Variants in CD274 observed in about 807,000 individuals in gnomAD.
The protein encoded by CD274 is programmed cell death 1 ligand 1.
A neutral mutation model predicts 30.1 loss-of-function variants in CD274; 8 were observed. The ratio of observed to expected loss-of-function variants is 0.27; its 90% CI spans 0.16 to 0.48. CD274 has a LOEUF of 0.48. Among genes scored for constraint, CD274 ranks in the 20% least tolerant of loss-of-function variants. The probability of loss-of-function intolerance (pLI) is 0.99; values close to 1 mark genes in which losing one functional copy is unlikely to be tolerated. For synonymous variants in CD274, 152 were observed against 124.6 expected (o/e 1.22, Z -1.46); for missense variants, 353 against 346.6 (o/e 1.02, Z -0.15).
chr9:5,466,765 T>A lies in CD274; in HGVS notation c.791-5T>A. On this transcript the variant is annotated splice_region_variant and splice_polypyrimidine_tract_variant and intron_variant, in intron 5 of 6. Coordinates refer to ENST00000381577, the MANE Select transcript of CD274 (RefSeq NM_014143.4). ...TGGAAATAAAAATGATTTCTTTTTC[T>A]CAAGGGAGAATGATGGATGTGAAAA... The A allele has an allele frequency of 6.2e-7, 1 of 1,608,624 alleles. No individual in the cohort carries two copies.
In CD274 at chr9:5,459,450, G is replaced by A. The variant is rs569241361; in HGVS notation, c.394+2030G>A. On this transcript the variant is annotated intron_variant, in intron 3 of 6. Coordinates refer to ENST00000381577, the MANE Select transcript of CD274 (RefSeq NM_014143.4). ...GCTTGCAGGAGCTTCCCAACTCAGG[G>A]AAGTAGAACTCCTGAGTCACCTCCA... Among the ~76,000 whole-genome samples the A allele has an allele frequency of 1.6e-4, 24 of 152,270 alleles. 1 individual carries two copies. The highest frequency in any genetic ancestry group is 1.2e-3 in the South Asian group (6 of 4,826).
chr9:5,458,356 C>T (rs1480074131), intron 3 of CD274, among the ~76,000 whole-genome samples: 1 of 152,248 alleles, frequency 6.6e-6, no homozygotes, highest in African/African-American at 2.4e-5. Flanking sequence ...TCATATCCCA[C>T]AATGGCCTCC....
At chr9:5,461,156 A>G (rs922706109) in intron 3 of CD274, among the ~76,000 whole-genome samples, 2 of 152,152 alleles carry the variant, frequency 1.3e-5, no homozygotes, top group African/African-American at 4.8e-5. Context: ...GTGTTTTTTT[A>G]TATAACACTG....
chr9:5,456,294 T>C (rs929607898), intron 2 of CD274, 129 bp downstream of exon 2: 8 of 608,646 alleles, frequency 1.3e-5, no homozygotes, highest in Non-Finnish European at 2.0e-5. Flanking sequence ...TTCTTCTACT[T>C]TACACAATGG....
At chr9:5,460,682 G>T (rs545931467) in intron 3 of CD274, among the ~76,000 whole-genome samples, 1 of 152,084 alleles carries the variant, frequency 6.6e-6, no homozygotes, top group Non-Finnish European at 1.5e-5. Flanking sequence ...GCCTATATTT[G>T]TACCTCTGGT....
At chr9:5,456,576 A>C (rs918209046) in intron 2 of CD274, among the ~76,000 whole-genome samples, 3 of 152,222 alleles carry the variant, frequency 2.0e-5, no homozygotes, top group Non-Finnish European at 4.4e-5. Flanking sequence ...AGATACATGG[A>C]AAATGTCAGG....
rs1040809685 is a variant in CD274, at chr9:5,465,428, C to T, written c.683-71C>T. ...AGCTAAACTAAACTTCAAGGATGAC[C>T]ATTCTCCTGACCCCTTCCCATCAAA... On this transcript the variant is annotated intron_variant, in intron 4 of 6. Coordinates refer to ENST00000381577, the MANE Select transcript of CD274 (RefSeq NM_014143.4). 5.9e-6 allele frequency: 5 copies of T among 849,878 alleles called. No individual in the cohort carries two copies. In the African/African-American group the frequency reaches 8.4e-5, roughly 14 times the overall value. The allele number at this position is 849,878 out of a possible 1,614,324, so 52.6% of individuals were successfully genotyped here.
In CD274 at chr9:5,457,368, C is replaced by T; in HGVS notation, c.342C>T (p.Cys114=). 1.9e-6 allele frequency: 3 copies of T among 1,614,094 alleles called. No homozygotes were observed. The highest frequency in any genetic ancestry group is 2.5e-6 in the Non-Finnish European group (3 of 1,179,998). ...TGCAGGATGCAGGGGTGTACCGCTG[C>T]ATGATCAGCTATGGTGGTGCCGACT... ...VKLQDAGVYR[C]MISYGGADYK... The change falls in exon 3 of 7, where the codon TGC becomes TGT. Residue 114 remains cysteine (C), a synonymous_variant. Transcript: ENST00000381577.
intron 2 of CD274, among the ~76,000 whole-genome samples, chr9:5,456,775 G>C (rs1329945): frequency 1.6e-4 from 24 of 152,314 alleles, no homozygotes; most frequent in African/African-American, 5.8e-4. Context: ...ATGAAACCAA[G>C]TCTCCCTGGT....
intron 1 of CD274, among the ~76,000 whole-genome samples, chr9:5,452,472 A>G (rs1819224643): frequency 6.6e-6 from 1 of 152,180 alleles, no homozygotes. Context: ...TTTACATTTC[A>G]TTGCTCTTTA....
In CD274 at chr9:5,466,153, T is replaced by C. The variant is rs552867285; in HGVS notation, c.790+547T>C. Among the ~76,000 whole-genome samples, 7 of 152,284 alleles carry C rather than the reference T, an allele frequency of 4.6e-5. No individual in the cohort carries two copies. In the East Asian group the frequency reaches 7.7e-4, roughly 17 times the overall value. ...AAGATGAGTCAGAGTAAATAATTCC[T>C]CCAATACTTAGAGAAGTATACCAAG... On this transcript the variant is annotated intron_variant, in intron 5 of 6. Transcript: ENST00000381577.
intron 3 of CD274, among the ~76,000 whole-genome samples, chr9:5,459,011 T>A (rs1819356297): frequency 6.6e-6 from 1 of 152,190 alleles, no homozygotes; most frequent in Non-Finnish European, 1.5e-5. Flanking sequence ...AAAAGGTCTC[T>A]CATCAGCCTG....
rs149987039 is a variant in CD274 at position 5,457,033 on chromosome 9, T to C, written c.53-46T>C. On this transcript the variant is annotated intron_variant, in intron 2 of 6. Transcript: ENST00000381577. ...ACGCTGTGCCAATTTTGTAAATGTT[T>C]CGAGGAATTTTCCCTTTTCTGAAGA... 239 of 1,357,966 alleles carry C rather than the reference T, an allele frequency of 1.8e-4. 1 individual carries two copies. In the East Asian group the frequency reaches 5.5e-3, roughly 31 times the overall value. 84.1% of individuals were successfully genotyped at this position (1,357,966 alleles called of 1,614,324 possible). A position where few individuals can be genotyped will look rare whatever the true frequency, so the allele number is the denominator to read the frequency against.
At chr9:5,451,932 C>T (rs1017689475) in intron 1 of CD274, among the ~76,000 whole-genome samples, 2 of 152,108 alleles carry the variant, frequency 1.3e-5, no homozygotes, top group African/African-American at 4.8e-5. Context: ...CCTCCCTCCT[C>T]AGGCTCCAGA....
intron 1 of CD274, among the ~76,000 whole-genome samples, chr9:5,451,539 T>A (rs978457501): frequency 6.6e-6 from 1 of 152,232 alleles, no homozygotes; most frequent in African/African-American, 2.4e-5. Context: ...CCAGAAAGGA[T>A]GTATCAGTTG....
At chr9:5,458,314 C>T (rs1004443832) in intron 3 of CD274, among the ~76,000 whole-genome samples, 1 of 152,224 alleles carries the variant, frequency 6.6e-6, no homozygotes, top group African/African-American at 2.4e-5. Flanking sequence ...AGAGGATCTT[C>T]TGTTCTTATA....
intron 1 of CD274, among the ~76,000 whole-genome samples, chr9:5,452,650 G>A (rs1026005816): frequency 1.6e-4 from 25 of 152,152 alleles, no homozygotes; most frequent in African/African-American, 5.8e-4. Context: ...CCTCACTAAT[G>A]ACAGCTGCAC....
intron 3 of CD274, among the ~76,000 whole-genome samples, chr9:5,460,014 C>T (rs1037524274): frequency 4.0e-5 from 6 of 151,890 alleles, no homozygotes; most frequent in African/African-American, 1.5e-4. Context: ...TCTCTCTCCT[C>T]CTAGAATATA....
In CD274 at chr9:5,470,276, A is replaced by G; in HGVS notation, c.*2414A>G. 1 of 232,610 alleles carries G rather than the reference A, an allele frequency of 4.3e-6. No individual in the cohort carries two copies. The highest frequency in any genetic ancestry group is 8.5e-6 in the Non-Finnish European group (1 of 117,648). 14.4% of individuals were successfully genotyped at this position (232,610 alleles called of 1,614,324 possible). A position where few individuals can be genotyped will look rare whatever the true frequency, so the allele number is the denominator to read the frequency against. On this transcript the variant is annotated 3_prime_UTR_variant, in exon 7 of 7. Transcript: ENST00000381577. ...GTGTTCTTTGTGTGAATTACAGGCA[A>G]GAATTGTGGCTGAGCAAGGCACATA... is the stretch of plus-strand genomic sequence containing the variant.
Sources: allele counts gnomAD v4.1 joint callset (sites outside exome capture counted in the v4.1 genomes callset), GRCh38; gene constraint gnomAD v4.1.1; transcripts MANE v1.5; gene names NCBI Gene and HGNC (gene_info 2026-07-23, HGNC 2026-07-21).